MGAT5: variants seen among roughly 807,000 people sequenced by gnomAD.
MGAT5 encodes alpha-1,6-mannosylglycoprotein 6-beta-N-acetylglucosaminyltransferase.
A neutral mutation model predicts 94.3 loss-of-function variants in MGAT5; 30 were observed. The ratio of observed to expected loss-of-function variants is 0.32; its 90% CI spans 0.24 to 0.43. MGAT5 has a LOEUF of 0.43. Among genes scored for constraint, MGAT5 ranks in the 20% least tolerant of loss-of-function variants. The pLI, the probability that MGAT5 is intolerant of heterozygous loss-of-function variation, is 1.00. For missense variants in MGAT5, 691 were observed against 905.5 expected (o/e 0.76, Z 3.04); for synonymous variants, 310 against 322.9 (o/e 0.96, Z 0.43).
At chr2:134,183,993 A>C (rs1688877131) in intron 1 of MGAT5, among the ~76,000 whole-genome samples, 1 of 152,124 alleles carries the variant, frequency 6.6e-6, no homozygotes, top group African/African-American at 2.4e-5. Context: ...TAGCTCACTT[A>C]ATTTTTTTTG....
Position 134,182,746 on chromosome 2 carries a change from T to C in MGAT5, c.-143+62455T>C, listed in dbSNP as rs1481215787. Among the ~76,000 whole-genome samples the C allele has an allele frequency of 5.3e-5, 8 of 150,254 alleles. No homozygotes were observed. The South Asian group carries it at 1.7e-3, about 32-fold the overall frequency. ...GTTTCACCTGTTTTTCTTTGTTACATAAATGGAATTATATAGTGCATGTTA... is the reference window on the plus strand; with the variant it reads ...GTTTCACCTGTTTTTCTTTGTTACACAAATGGAATTATATAGTGCATGTTA... On this transcript the variant is annotated intron_variant, in intron 1 of 16. Coordinates refer to the MGAT5 transcript ENST00000409645.
In MGAT5 at chr2:134,142,380, G is replaced by C. The variant is rs146154747; in HGVS notation, c.-143+22089G>C. On this transcript the variant is annotated intron_variant, in intron 1 of 16. Coordinates refer to the MGAT5 transcript ENST00000409645. Reference sequence around the variant, plus strand: ...TGGCCAGAAAGGCCCGGCCCCGCCTGAGTGGAGCAGGCCTATGGGTTTTAT... The same window carrying C: ...TGGCCAGAAAGGCCCGGCCCCGCCTCAGTGGAGCAGGCCTATGGGTTTTAT... Among the ~76,000 whole-genome samples the C allele has an allele frequency of 1.6e-3, 249 of 152,354 alleles. 3 individuals carry two copies. The highest frequency in any genetic ancestry group is 0.016 in the East Asian group (84 of 5,184).
Position 134,403,128 on chromosome 2 carries a change from A to T in MGAT5, c.1521A>T (p.Arg507=), listed in dbSNP as rs767291091. The T allele has an allele frequency of 3.7e-6, 6 of 1,601,842 alleles. No individual in the cohort carries two copies. The highest frequency in any genetic ancestry group is 5.1e-6 in the Non-Finnish European group (6 of 1,177,348). ...LSGRDLQFLL[R]ETKLFVGLGF... is the part of the protein sequence containing the mutation. Reference sequence around the variant, plus strand: ...GACGGGACCTGCAGTTCCTTCTTCGAGAAACCAAGGTAAAAATTCACCACG... The same window carrying T: ...GACGGGACCTGCAGTTCCTTCTTCGTGAAACCAAGGTAAAAATTCACCACG... Residue 507 remains arginine, a synonymous_variant, in exon 11 of 16, where the codon CGA becomes CGT. Coordinates refer to ENST00000281923, the MANE Select transcript of MGAT5 (RefSeq NM_002410.5).
intron 4 of MGAT5, among the ~76,000 whole-genome samples, chr2:134,327,777 G>A (rs535869516): frequency 6.6e-6 from 1 of 152,234 alleles, no homozygotes; most frequent in East Asian, 1.9e-4. Flanking sequence ...CAGATAGACT[G>A]TTAGAATGGA....
intron 9 of MGAT5, among the ~76,000 whole-genome samples, chr2:134,353,690 C>T (rs540121746): frequency 1.3e-5 from 2 of 152,174 alleles, no homozygotes; most frequent in Admixed American, 6.5e-5. Flanking sequence ...AGAAAATGAG[C>T]GTTATAAAAC....
intron 8 of MGAT5, among the ~76,000 whole-genome samples, chr2:134,348,080 C>T (rs1360638219): frequency 6.6e-6 from 1 of 152,212 alleles, no homozygotes; most frequent in Non-Finnish European, 1.5e-5. Flanking sequence ...TATATAGTGG[C>T]TCAAACCACT....
At chr2:134,383,286 C>T (rs1681746402) in intron 10 of MGAT5, among the ~76,000 whole-genome samples, 1 of 152,184 alleles carries the variant, frequency 6.6e-6, no homozygotes, top group South Asian at 2.1e-4. Context: ...AAACAATGAG[C>T]AATGATATCT....
intron 12 of MGAT5, 55 bp from the exon 13 acceptor site, chr2:134,422,748 G>A (rs1388043489): frequency 1.5e-6 from 2 of 1,345,258 alleles, no homozygotes; most frequent in Non-Finnish European, 2.1e-6. Flanking sequence ...ACTCCATCTA[G>A]CACAGGTTAT....
At chr2:134,176,118 A>G (rs1348983680) in intron 1 of MGAT5, among the ~76,000 whole-genome samples, 1 of 152,144 alleles carries the variant, frequency 6.6e-6, no homozygotes, top group African/African-American at 2.4e-5. Flanking sequence ...CTGTTTACAG[A>G]GAGAGGTACC....
chr2:134,126,908 T>G (rs937625869), intron 1 of MGAT5, among the ~76,000 whole-genome samples: 11 of 152,054 alleles, frequency 7.2e-5, no homozygotes, highest in Admixed American at 7.2e-4. Context: ...TAAACCATCT[T>G]ATTTTCACCT....
intron 2 of MGAT5, among the ~76,000 whole-genome samples, chr2:134,310,628 G>A (rs962745050): frequency 6.6e-6 from 1 of 152,148 alleles, no homozygotes; most frequent in Admixed American, 6.5e-5. Flanking sequence ...TTGCTTTGTT[G>A]GGGAGGGAAC....
chr2:134,418,145 G>A (rs966465452), intron 12 of MGAT5, among the ~76,000 whole-genome samples: 3 of 152,106 alleles, frequency 2.0e-5, no homozygotes, highest in Non-Finnish European at 4.4e-5. Flanking sequence ...CCCAGTGAAT[G>A]ATGTAATGTT....
In MGAT5 at chr2:134,268,632, A is replaced by G. The variant is rs1199557932; in HGVS notation, c.242-1754A>G. On this transcript the variant is annotated intron_variant, in intron 1 of 15. Transcript: ENST00000281923. The surrounding 1 kb of genome is among the most constrained non-coding windows in gnomAD (Gnocchi z 4.1). ...CACCTGAGGAGAGAGTTCTTTGGGA[A>G]GGATGAGAACATTTTCCAGTGAAAG... Among the ~76,000 whole-genome samples, 2 of 152,252 alleles carry G rather than the reference A, an allele frequency of 1.3e-5. No homozygotes were observed. The highest frequency in any genetic ancestry group is 4.8e-5 in the African/African-American group (2 of 41,472).
chr2:134,188,850 T>A (rs900268362), intron 1 of MGAT5, among the ~76,000 whole-genome samples: 2 of 152,188 alleles, frequency 1.3e-5, no homozygotes, highest in African/African-American at 4.8e-5. Context: ...CTGGTTACAA[T>A]CCAAGGGGTT....
intron 1 of MGAT5, among the ~76,000 whole-genome samples, chr2:134,231,650 C>G (rs1681368523): frequency 6.6e-6 from 1 of 152,206 alleles, no homozygotes; most frequent in East Asian, 1.9e-4. Context: ...CATTCACCCT[C>G]TGGAGTTCTT....
intron 1 of MGAT5, chr2:134,127,129 G>A (rs6430498): frequency 0.36 from 55,138 of 154,504 alleles, 11,097 homozygotes; most frequent in African/African-American, 0.55. Context: ...GCCCCACGTG[G>A]TGAGGATATG....
chr2:134,257,096 A>G (rs896700305), intron 1 of MGAT5, among the ~76,000 whole-genome samples: 2 of 152,210 alleles, frequency 1.3e-5, no homozygotes, highest in Non-Finnish European at 2.9e-5. Context: ...TAGTTGTGAC[A>G]ATCAAAATGT....
chr2:134,176,631 T>C (rs1464614718), intron 1 of MGAT5, among the ~76,000 whole-genome samples: 2 of 137,422 alleles, frequency 1.5e-5, no homozygotes, highest in Non-Finnish European at 3.2e-5. Flanking sequence ...AATAAACGAC[T>C]AGAAAAATGA....
rs570408241 is a variant in MGAT5 at position 134,191,391 on chromosome 2, C to A, written c.-142-62871C>A. ...CTCCTGAATAGATGAATGAGGTTAT[C>A]GCGGGAGCGCGTGGGTTATCGCGGG... is the stretch of plus-strand genomic sequence containing the variant. On this transcript the variant is annotated intron_variant, in intron 1 of 16. Coordinates refer to the MGAT5 transcript ENST00000409645. 5.9e-5 allele frequency among the ~76,000 whole-genome samples: 9 copies of A among 152,234 alleles called. No individual in the cohort carries two copies. The South Asian group carries it at 1.9e-3, about 32-fold the overall frequency.
Sources: gnomAD v4.1 joint callset for allele counts (sites outside exome capture counted in the v4.1 genomes callset) on GRCh38, gnomAD v4.1.1 for gene constraint, Gnocchi (gnomAD v3.1) non-coding constraint, MANE v1.5 for transcripts, NCBI Gene and HGNC (gene_info 2026-07-23, HGNC 2026-07-21) for gene names.